GLRA2: variants seen among roughly 807,000 people sequenced by gnomAD.
The protein encoded by GLRA2 is glycine receptor subunit alpha-2.
Under a neutral mutation model 31.6 loss-of-function variants are expected in GLRA2, and 11 were observed. That is an observed-to-expected ratio of 0.35 (90% CI 0.22 to 0.58). The LOEUF is 0.58. Among genes scored for constraint, GLRA2 ranks in the 20% least tolerant of loss-of-function variants. GLRA2 has a pLI of 0.84. For missense variants in GLRA2, 212 were observed against 351.8 expected (o/e 0.60, Z 3.18); for synonymous variants, 132 against 134.0 (o/e 0.99, Z 0.10).
chrX:14,466,613 G>C, the GLRA2 span, among the ~76,000 whole-genome samples: 1 of 111,143 alleles, frequency 9.0e-6, no homozygotes, highest in Admixed American at 9.6e-5. Flanking sequence ...GTAATGAGCT[G>C]CTTGTGTAAA....
At chrX:14,569,833 T>C (rs180772349) in intron 2 of GLRA2, among the ~76,000 whole-genome samples, 145 of 112,338 alleles carry the variant, frequency 1.3e-3, no homozygotes, top group Non-Finnish European at 1.4e-3. Context: ...TTCATAATAG[T>C]CAAAAAGATG....
At chrX:14,686,024 T>G (rs1156926556) in intron 7 of GLRA2, among the ~76,000 whole-genome samples, 5 of 111,927 alleles carry the variant, frequency 4.5e-5, no homozygotes, top group Non-Finnish European at 7.5e-5. Flanking sequence ...TTTGTTCTCA[T>G]TGGTTTCAAA....
At chrX:14,473,014 A>G in the GLRA2 span, among the ~76,000 whole-genome samples, 1 of 111,268 alleles carries the variant, frequency 9.0e-6, no homozygotes, top group Non-Finnish European at 1.9e-5. Flanking sequence ...CGAGGTAAGG[A>G]GCTTCAGATG....
the GLRA2 span, among the ~76,000 whole-genome samples, chrX:14,449,179 TAGAG>T: frequency 2.7e-5 from 3 of 111,383 alleles, no homozygotes; most frequent in African/African-American, 6.5e-5. Context: ...TGAAAGTTGA[TAGAG>T]AGGAGATGCA....
chrX:14,681,061 T>C (rs905136831), intron 7 of GLRA2, among the ~76,000 whole-genome samples: 11 of 112,437 alleles, frequency 9.8e-5, no homozygotes, highest in Non-Finnish European at 1.7e-4. Context: ...GAAAATAGTA[T>C]AACTTAATTA....
the GLRA2 span, among the ~76,000 whole-genome samples, chrX:14,476,991 T>A: frequency 8.9e-6 from 1 of 111,845 alleles, no homozygotes; most frequent in Non-Finnish European, 1.9e-5. Context: ...CAGCTTTAAC[T>A]GTTTTAATGC....
intron 2 of GLRA2, among the ~76,000 whole-genome samples, chrX:14,572,262 A>G (rs2089894857): frequency 8.9e-6 from 1 of 112,366 alleles, no homozygotes; most frequent in African/African-American, 3.2e-5. Flanking sequence ...GTACAAGACA[A>G]CCAATGTTTA....
chrX:14,677,052 C>T (rs903692205), intron 7 of GLRA2, among the ~76,000 whole-genome samples: 7 of 111,405 alleles, frequency 6.3e-5, no homozygotes, highest in African/African-American at 2.3e-4. Flanking sequence ...TCTACTTTCC[C>T]GCCAGATATA....
At chrX:14,454,095 C>T in the GLRA2 span, among the ~76,000 whole-genome samples, 93 of 109,168 alleles carry the variant, frequency 8.5e-4, no homozygotes, top group Middle Eastern at 4.8e-3. Context: ...TGGAACTGTT[C>T]AGGATTATGC....
At chrX:14,577,805 C>T (rs1328415182) in intron 3 of GLRA2, among the ~76,000 whole-genome samples, 1 of 111,537 alleles carries the variant, frequency 9.0e-6, no homozygotes, top group Non-Finnish European at 1.9e-5. Context: ...CCATTGCACA[C>T]CCAAAGTGTC....
chrX:14,681,381 AATTC>A (rs773500694), intron 7 of GLRA2, among the ~76,000 whole-genome samples: 17 of 110,582 alleles, frequency 1.5e-4, no homozygotes, highest in East Asian at 5.7e-4. Context: ...TCTTTCATTC[AATTC>A]ATTCATTCAT....
intron 8 of GLRA2, among the ~76,000 whole-genome samples, chrX:14,691,336 T>C (rs958812429): frequency 8.6e-5 from 9 of 104,427 alleles, no homozygotes; most frequent in East Asian, 3.2e-4. Flanking sequence ...CGCGCGTGCG[T>C]GCGTGTACAT....
At chrX:14,593,891 A>C (rs180966008) in intron 4 of GLRA2, among the ~76,000 whole-genome samples, 16 of 113,197 alleles carry the variant, frequency 1.4e-4, no homozygotes, top group African/African-American at 5.1e-4. Flanking sequence ...TTTGGGAGAC[A>C]TGTAGCTCAT....
the GLRA2 span, among the ~76,000 whole-genome samples, chrX:14,476,895 C>T: frequency 1.3e-4 from 15 of 112,000 alleles, no homozygotes; most frequent in African/African-American, 4.2e-4. Flanking sequence ...CATAGTTTGT[C>T]TTGGCTGTGA....
the GLRA2 span, among the ~76,000 whole-genome samples, chrX:14,474,976 C>T: frequency 6.3e-5 from 7 of 111,834 alleles, no homozygotes; most frequent in Admixed American, 9.5e-5. Context: ...ATTTGTAGCC[C>T]TTGTTGCAAT....
Position 14,571,889 on chromosome X carries a change from A to G in GLRA2, c.203-2444A>G, listed in dbSNP as rs1377849614. Among the ~76,000 whole-genome samples, 3 of 111,733 alleles carry G rather than the reference A, an allele frequency of 2.7e-5. No homozygotes were observed. In the Admixed American group the frequency reaches 2.8e-4, roughly 11 times the overall value. ...CAACAGGATATTATGAAATGAGGGA[A>G]GTGCAACAAAAAGGTTGAAAGTTTA... On this transcript the variant is annotated intron_variant, in intron 2 of 8. Transcript: ENST00000218075.
intron 8 of GLRA2, among the ~76,000 whole-genome samples, chrX:14,691,298 T>A (rs1206305386): frequency 2.8e-3 from 293 of 104,919 alleles, no homozygotes; most frequent in Non-Finnish European, 4.5e-3. Flanking sequence ...TGTGTGTGTG[T>A]GTGTGTGTGT....
intron 4 of GLRA2, among the ~76,000 whole-genome samples, chrX:14,587,264 A>T (rs1370639409): frequency 8.9e-6 from 1 of 112,257 alleles, no homozygotes; most frequent in Non-Finnish European, 1.9e-5. Context: ...ATACAATTTC[A>T]TGTGTCTTTT....
At chrX:14,508,561 A>G in the GLRA2 span, among the ~76,000 whole-genome samples, 1 of 111,623 alleles carries the variant, frequency 9.0e-6, no homozygotes, top group Non-Finnish European at 1.9e-5. Context: ...GCCTATAGAC[A>G]CAGGAGGGAC....
Sources: allele counts gnomAD v4.1 joint callset (sites outside exome capture counted in the v4.1 genomes callset), GRCh38; gene constraint gnomAD v4.1.1; transcripts MANE v1.5; gene names NCBI Gene and HGNC (gene_info 2026-07-23, HGNC 2026-07-21).